Variants in MAGEA12 observed in about 807,000 individuals in gnomAD.
MAGEA12 encodes the protein melanoma-associated antigen 12.
For missense variants in MAGEA12, 235 were observed against 240.1 expected (o/e 0.98, Z 0.14); for synonymous variants, 135 against 104.7 (o/e 1.29, Z -1.77).
rs782524966 is a variant in MAGEA12 at position 152,736,911 on chromosome X, G to C, written c.750G>C (p.Leu250Phe). ...AHPRKLLTQD[L>F]VQENYLEYRQ... is the part of the protein sequence containing the mutation. ...CCAGGAAGCTGCTCACCCAAGATTTGGTGCAGGAAAACTACCTGGAGTACC... is the reference window on the plus strand; with the variant it reads ...CCAGGAAGCTGCTCACCCAAGATTTCGTGCAGGAAAACTACCTGGAGTACC... Residue 250 changes from leucine to phenylalanine, a missense_variant, in exon 3 of 3, where the codon TTG (leucine) becomes TTC (phenylalanine). Physicochemically the swap from Leu to Phe is conservative, Grantham distance 22 (BLOSUM62 0). Transcript: ENST00000393869. The C allele has an allele frequency of 3.3e-6, 4 of 1,212,120 alleles. No individual in the cohort carries two copies. The highest frequency in any genetic ancestry group is 4.3e-5 in the Admixed American group (2 of 46,105).
chrX:152,737,484 G>GT lies in MAGEA12; in HGVS notation c.*379dup, dbSNP rs1431415187. Reference sequence around the variant, plus strand: ...GTGACAAATAACAGCAGTGGAAAAAGTATGTGCTTAGAATTGTGAAAGAAT... The same window carrying GT: ...GTGACAAATAACAGCAGTGGAAAAAGTTATGTGCTTAGAATTGTGAAAGAAT... On this transcript the variant is annotated 3_prime_UTR_variant, in exon 3 of 3. Transcript: ENST00000393869. 4 of 309,792 alleles carry GT rather than the reference G, an allele frequency of 1.3e-5. No homozygotes were observed. The highest frequency in any genetic ancestry group is 1.9e-5 in the Non-Finnish European group (3 of 159,413). The allele number at this position is 309,792 out of a possible 1,213,427, so 25.5% of individuals were successfully genotyped here.
intron 1 of MAGEA12, among the ~76,000 whole-genome samples, chrX:152,734,418 A>G (rs1181182663): frequency 3.6e-5 from 4 of 111,125 alleles, no homozygotes; most frequent in African/African-American, 1.3e-4. Context: ...GGATGGGCCC[A>G]AGCCCCTCCT....
intron 2 of MAGEA12, 82 bp downstream of exon 2, chrX:152,735,335 GCTATTCCCT>G (rs1370774573): frequency 8.5e-6 from 1 of 118,146 alleles, no homozygotes; most frequent in Non-Finnish European, 1.9e-5. Flanking sequence ...CCCTGCCCCT[GCTATTCCCT>G]CAGAGAGCCT....
intron 2 of MAGEA12, among the ~76,000 whole-genome samples, 159 bp downstream of exon 2, chrX:152,735,412 A>G (rs1932291120): frequency 8.9e-6 from 1 of 112,048 alleles, no homozygotes; most frequent in African/African-American, 3.3e-5. Flanking sequence ...TGTCAGGGAA[A>G]GGGAGGCCTT....
At position 152,736,653 on chromosome X, in the gene MAGEA12, C is replaced by T. The variant is rs782172903; in HGVS notation, c.492C>T (p.Ile164=). ...AGTACTTGCAGCTGGTCTTTGGCAT[C>T]GAGGTGGTGGAAGTGGTCCGCATCG... ...ASEYLQLVFG[I]EVVEVVRIGH... Residue 164 remains isoleucine, a synonymous_variant, in exon 3 of 3, where the codon ATC becomes ATT. Transcript: ENST00000393869. 2.1e-5 allele frequency: 26 copies of T among 1,210,201 alleles called. No individual in the cohort carries two copies. The highest frequency in any genetic ancestry group is 2.8e-5 in the Non-Finnish European group (25 of 895,317).
chrX:152,734,332 C>T (rs1326953032), intron 1 of MAGEA12, among the ~76,000 whole-genome samples: 1 of 111,348 alleles, frequency 9.0e-6, no homozygotes, highest in East Asian at 2.9e-4. Flanking sequence ...GCCAAGCACG[C>T]GGATCCTGAC....
At position 152,736,094 on chromosome X, in the gene MAGEA12, G is replaced by A. The variant is rs1602875047; in HGVS notation, c.-68G>A. The A allele has an allele frequency of 3.8e-5, 43 of 1,120,462 alleles. No homozygotes were observed. The highest frequency in any genetic ancestry group is 5.0e-5 in the Non-Finnish European group (42 of 832,612). 92.3% of individuals were successfully genotyped at this position (1,120,462 alleles called of 1,213,427 possible). A position where few individuals can be genotyped will look rare whatever the true frequency, so the allele number is the denominator to read the frequency against. Reference sequence around the variant, plus strand: ...TCTCACTTGTTCCTTCAGGTTCTGAGGAGACAGGCCCCGGAGCAGCACTAG... The same window carrying A: ...TCTCACTTGTTCCTTCAGGTTCTGAAGAGACAGGCCCCGGAGCAGCACTAG... On this transcript the variant is annotated 5_prime_UTR_variant, in exon 3 of 3. Coordinates refer to ENST00000393869, the MANE Select transcript of MAGEA12 (RefSeq NM_001166387.4).
At chrX:152,734,519 C>T (rs782157277) in intron 1 of MAGEA12, among the ~76,000 whole-genome samples, 1 of 111,201 alleles carries the variant, frequency 9.0e-6, no homozygotes, top group East Asian at 2.8e-4. Context: ...TTCATTCGGC[C>T]GCGGGAATCC....
intron 1 of MAGEA12, chrX:152,734,131 G>A (rs1556227070): frequency 1.4e-5 from 1 of 72,355 alleles, no homozygotes; most frequent in Admixed American, 1.3e-4. Flanking sequence ...GGGGACTGAG[G>A]GTAACCCCCC....
rs1556226221 is a variant in MAGEA12 at position 152,736,109 on chromosome X, A to G, written c.-53A>G. 1.7e-6 allele frequency: 2 copies of G among 1,152,118 alleles called. No homozygotes were observed. Among genetic ancestry groups the G allele is most frequent in the East Asian group, 6.0e-5 (2 of 33,497 alleles). The allele number at this position is 1,152,118 out of a possible 1,213,427, so 94.9% of individuals were successfully genotyped here. A position where few individuals can be genotyped will look rare whatever the true frequency, so the allele number is the denominator to read the frequency against. On this transcript the variant is annotated 5_prime_UTR_variant, in exon 3 of 3. Transcript: ENST00000393869. ...CAGGTTCTGAGGAGACAGGCCCCGG[A>G]GCAGCACTAGCTCCTGCCCACACTC...
Position 152,736,521 on chromosome X carries a change from G to A in MAGEA12, c.360G>A (p.Leu120=). 8.3e-7 allele frequency: 1 copy of A among 1,211,957 alleles called. No individual in the cohort carries two copies. The highest frequency in any genetic ancestry group is 1.1e-6 in the Non-Finnish European group (1 of 895,558). The change falls in exon 3 of 3, where the codon CTG becomes CTA. Residue 120 remains leucine (L), a synonymous_variant. Transcript: ENST00000393869. The stretch of plus-strand genomic sequence containing the variant: ...AGATGGCTGAGTTGGTTCATTTTCT[G>A]CTCCTCAAGTATCGAGCCAGGGAGC... ...SRKMAELVHF[L]LLKYRAREPF...
rs1932348309 is a variant in MAGEA12 at position 152,737,204 on chromosome X, T to G, written c.*98T>G. The G allele has an allele frequency of 1.2e-6, 1 of 843,857 alleles. No individual in the cohort carries two copies. Among genetic ancestry groups the G allele is most frequent in the Non-Finnish European group, 1.7e-6 (1 of 572,692 alleles). The allele number at this position is 843,857 out of a possible 1,213,427, so 69.5% of individuals were successfully genotyped here. A position where few individuals can be genotyped will look rare whatever the true frequency, so the allele number is the denominator to read the frequency against. ...TTAGTTTCCACTGCCTCGTGTGACA[T>G]GAGGCCCATTCTTCACTCTTTGAAG... On this transcript the variant is annotated 3_prime_UTR_variant, in exon 3 of 3. Transcript: ENST00000393869.
At chrX:152,734,715 C>T (rs782215666) in intron 1 of MAGEA12, among the ~76,000 whole-genome samples, 6 of 111,667 alleles carry the variant, frequency 5.4e-5, no homozygotes, top group South Asian at 3.7e-4. Flanking sequence ...GACAGATTTG[C>T]GGGCTGTGGT....
At chrX:152,735,968 G>T in intron 2 of MAGEA12, 119 bp from the exon 3 acceptor site, 1 of 465,624 alleles carries the variant, frequency 2.1e-6, no homozygotes, top group Non-Finnish European at 3.7e-6. Context: ...GGGCCGCACC[G>T]GCCCCAGAAC....
chrX:152,737,139 G>A lies in MAGEA12; in HGVS notation c.*33G>A. 2.5e-6 allele frequency: 3 copies of A among 1,178,278 alleles called. No individual in the cohort carries two copies. The highest frequency in any genetic ancestry group is 3.5e-6 in the Non-Finnish European group (3 of 867,576). On this transcript the variant is annotated 3_prime_UTR_variant, in exon 3 of 3. Coordinates refer to ENST00000393869, the MANE Select transcript of MAGEA12 (RefSeq NM_001166387.4). ...CACGAGTTGCAGCCAGGGCCAGTGG[G>A]AGGGGGTCTGGGCCAGTGCACCTTC...
At chrX:152,734,521 C>T (rs370585616) in intron 1 of MAGEA12, among the ~76,000 whole-genome samples, 1 of 111,191 alleles carries the variant, frequency 9.0e-6, no homozygotes, top group African/African-American at 3.3e-5. Flanking sequence ...CATTCGGCCG[C>T]GGGAATCCTA....
At position 152,736,191 on chromosome X, in the gene MAGEA12, C is replaced by T; in HGVS notation, c.30C>T (p.Cys10=). 1.7e-6 allele frequency: 2 copies of T among 1,211,945 alleles called. No individual in the cohort carries two copies. The highest frequency in any genetic ancestry group is 1.7e-5 in the African/African-American group (1 of 57,864). ...CACTTGAGCAGAGGAGTCAGCACTG[C>T]AAGCCTGAGGAAGGCCTTGAGGCCC... MPLEQRSQH[C]KPEEGLEAQG... is the part of the protein sequence containing the mutation. The change falls in exon 3 of 3, where the codon TGC becomes TGT. Residue 10 remains cysteine, a synonymous_variant. Coordinates refer to ENST00000393869, the MANE Select transcript of MAGEA12 (RefSeq NM_001166387.4).
rs782759254 is a variant in MAGEA12, at chrX:152,737,196, G to C, written c.*90G>C. 1.2e-4 allele frequency: 108 copies of C among 908,185 alleles called. No individual in the cohort carries two copies. In the Admixed American group the frequency reaches 1.9e-3, roughly 16 times the overall value. 74.8% of individuals were successfully genotyped at this position (908,185 alleles called of 1,213,427 possible). On this transcript the variant is annotated 3_prime_UTR_variant, in exon 3 of 3. Coordinates refer to ENST00000393869, the MANE Select transcript of MAGEA12 (RefSeq NM_001166387.4). ...CCCATCCATTAGTTTCCACTGCCTC[G>C]TGTGACATGAGGCCCATTCTTCACT... is the stretch of plus-strand genomic sequence containing the variant.
Position 152,737,417 on chromosome X carries a change from G to GT in MAGEA12, c.*317dup, listed in dbSNP as rs1377806635. On this transcript the variant is annotated 3_prime_UTR_variant, in exon 3 of 3. Coordinates refer to ENST00000393869, the MANE Select transcript of MAGEA12 (RefSeq NM_001166387.4). ...TATATAGTTTAGGAGTAAGAGTGTT[G>GT]TTTTTTATTCAGATTGGGAAATCCA... 84 of 396,331 alleles carry GT rather than the reference G, an allele frequency of 2.1e-4. No homozygotes were observed. The East Asian group carries it at 4.8e-3, about 23-fold the overall frequency. The allele number at this position is 396,331 out of a possible 1,213,427, so 32.7% of individuals were successfully genotyped here. A position where few individuals can be genotyped will look rare whatever the true frequency, so the allele number is the denominator to read the frequency against.
Sources: allele counts gnomAD v4.1 joint callset (sites outside exome capture counted in the v4.1 genomes callset), GRCh38; gene constraint gnomAD v4.1.1; transcripts MANE v1.5; gene names NCBI Gene and HGNC (gene_info 2026-07-23, HGNC 2026-07-21).